KIF1B: variants seen among roughly 807,000 people sequenced by gnomAD.
KIF1B encodes kinesin family member 1B.
In KIF1B, 76 loss-of-function variants were observed where a neutral mutation model predicts 241.9. That is an observed-to-expected ratio of 0.31 (90% confidence interval 0.26 to 0.38). The LOEUF is 0.38. Ranked by LOEUF, KIF1B falls within the 10% of genes least tolerant of loss-of-function variation. KIF1B has a pLI of 1.00. For missense variants in KIF1B, 1,622 were observed against 2,271.4 expected (o/e 0.71, Z 5.81); for synonymous variants, 750 against 796.7 (o/e 0.94, Z 0.99).
rs905421622 is a variant in KIF1B, at chr1:10,264,599, CAGAA to C, written c.429+2634_429+2637del. Among the ~76,000 whole-genome samples, 15 of 152,266 alleles carry C rather than the reference CAGAA, an allele frequency of 9.9e-5. No homozygotes were observed. In the South Asian group the frequency reaches 1.0e-3, roughly 11 times the overall value. ...CTCACTTTCTAGGATGACTTGCTGT[CAGAA>C]AGAATATTTGTTGTTCTGTTACTTT... On this transcript the variant is annotated intron_variant, in intron 5 of 48. Transcript: ENST00000676179.
rs574833964 is a variant in KIF1B, at chr1:10,378,216, G to A, written c.*1629G>A. 73 of 679,838 alleles carry A rather than the reference G, an allele frequency of 1.1e-4. No homozygotes were observed. Among genetic ancestry groups the A allele is most frequent in the South Asian group, 6.8e-4 (42 of 62,096 alleles). The allele number at this position is 679,838 out of a possible 1,614,324, so 42.1% of individuals were successfully genotyped here. On this transcript the variant is annotated 3_prime_UTR_variant, in exon 49 of 49. Coordinates refer to ENST00000676179, the MANE Select transcript of KIF1B (RefSeq NM_001365951.3). ...AATATGCCTAGGGGCACGGATGAAC[G>A]TCCAGGGAGCCCGGGCCCCAGGCTT...
Position 10,303,301 on chromosome 1 carries a change from G to A in KIF1B, c.2115+6055G>A. On this transcript the variant is annotated intron_variant, in intron 22 of 48. Coordinates refer to ENST00000676179, the MANE Select transcript of KIF1B (RefSeq NM_001365951.3). The surrounding 1 kb of genome is among the most constrained non-coding windows in gnomAD (Gnocchi z 5.2). ...TAAAAAATGTGGCCTCCCAAGCAGT[G>A]GGAAGAAACGTGAACCAATTAAAAT... 1 of 1,614,140 alleles carries A rather than the reference G, an allele frequency of 6.2e-7. No individual in the cohort carries two copies. The highest frequency in any genetic ancestry group is 8.5e-7 in the Non-Finnish European group (1 of 1,180,020).
rs191025570 is a variant in KIF1B, at chr1:10,320,783, A to G, written c.2209+647A>G. 2.4e-4 allele frequency among the ~76,000 whole-genome samples: 35 copies of G among 148,350 alleles called. 1 individual carries two copies. In the East Asian group the frequency reaches 5.3e-3, roughly 22 times the overall value. On this transcript the variant is annotated intron_variant, in intron 23 of 48. Transcript: ENST00000676179. ...CTCTTGTCGCCCACGCTGGAGTGCA[A>G]TGGTGCAGTCTTAGCTCACTGCAAC...
intron 15 of KIF1B, among the ~76,000 whole-genome samples, chr1:10,287,507 A>T (rs1266739041): frequency 6.6e-6 from 1 of 152,152 alleles, no homozygotes; most frequent in African/African-American, 2.4e-5. Context: ...AGTTGTGCTA[A>T]TGTGACTCAC....
intron 18 of KIF1B, among the ~76,000 whole-genome samples, chr1:10,295,403 C>A (rs1650211957): frequency 1.3e-5 from 2 of 151,840 alleles, no homozygotes; most frequent in Admixed American, 1.3e-4. Flanking sequence ...ATATACATTC[C>A]TTAGGGATTT....
chr1:10,380,362 T>C lies in KIF1B; in HGVS notation c.*3775T>C, dbSNP rs1421643294. ...ATCAGGGCTTGTTTGACTTAGGTCT[T>C]TCAGTTTTCCTTTCGGTTCCCTTTT... is the stretch of plus-strand genomic sequence containing the variant. On this transcript the variant is annotated 3_prime_UTR_variant, in exon 49 of 49. Coordinates refer to ENST00000676179, the MANE Select transcript of KIF1B (RefSeq NM_001365951.3). The C allele has an allele frequency of 4.9e-6, 1 of 202,734 alleles. No individual in the cohort carries two copies. The highest frequency in any genetic ancestry group is 1.0e-5 in the Non-Finnish European group (1 of 98,486). The allele number at this position is 202,734 out of a possible 1,614,324, so 12.6% of individuals were successfully genotyped here.
chr1:10,355,291 A>G lies in KIF1B; in HGVS notation c.4055+2555A>G, dbSNP rs117611748. 2.2e-4 allele frequency: 34 copies of G among 152,478 alleles called. No homozygotes were observed. The East Asian group carries it at 6.4e-3, about 29-fold the overall frequency. The allele number at this position is 152,478 out of a possible 1,614,324, so 9.4% of individuals were successfully genotyped here. The stretch of plus-strand genomic sequence containing the variant: ...TCAGCAAATTTTGTCTTCTTTATAT[A>G]TATATTTTTTCTGATTCTCTCCCTT... On this transcript the variant is annotated intron_variant, in intron 38 of 48. Transcript: ENST00000676179.
intron 2 of KIF1B, among the ~76,000 whole-genome samples, chr1:10,243,215 G>A (rs1335033931): frequency 2.0e-5 from 3 of 152,056 alleles, no homozygotes; most frequent in Non-Finnish European, 4.4e-5. Flanking sequence ...TCAGGAGTTC[G>A]AGACCAGACT....
intron 27 of KIF1B, among the ~76,000 whole-genome samples, chr1:10,328,455 T>C (rs1488122989): frequency 6.6e-6 from 1 of 152,258 alleles, no homozygotes. Context: ...TATTGTTTTC[T>C]ACTGGCATAT....
intron 1 of KIF1B, among the ~76,000 whole-genome samples, chr1:10,217,243 G>A (rs982382632): frequency 6.6e-6 from 1 of 151,148 alleles, no homozygotes; most frequent in African/African-American, 2.4e-5. Context: ...CAAAATGTTG[G>A]GATTACGGGC....
At chr1:10,262,681 A>AT (rs1317696459) in intron 5 of KIF1B, among the ~76,000 whole-genome samples, 1 of 152,144 alleles carries the variant, frequency 6.6e-6, no homozygotes, top group East Asian at 1.9e-4. Context: ...TCTTACTTAA[A>AT]TTTTGAATTT....
chr1:10,254,498 C>A (rs1647644611), intron 2 of KIF1B, among the ~76,000 whole-genome samples: 1 of 152,112 alleles, frequency 6.6e-6, no homozygotes, highest in East Asian at 1.9e-4. Flanking sequence ...TACTTGTCAA[C>A]CTTAGATTTC....
chr1:10,324,844 C>G lies in KIF1B; in HGVS notation c.2624C>G (p.Thr875Ser). ...CAAGACGAAAGCGAAACCACTGTGA[C>G]TGGCAGCGATCCCTTCTATGATCGG... ...SAQDESETTV[T>S]GSDPFYDRFH... Residue 875 changes from threonine (T) to serine (S), a missense_variant, in exon 26 of 49, where the codon ACT (threonine) becomes AGT (serine). Physicochemically the swap from Thr to Ser is moderately conservative, Grantham distance 58. Around this residue, in one of 7 missense-constraint regions of KIF1B, gnomAD observed 803 missense variants for 1,112.0 expected, o/e 0.72. Coordinates refer to ENST00000676179, the MANE Select transcript of KIF1B (RefSeq NM_001365951.3). The G allele has an allele frequency of 6.2e-7, 1 of 1,614,148 alleles. No homozygotes were observed. Among genetic ancestry groups the G allele is most frequent in the South Asian group, 1.1e-5 (1 of 91,078 alleles).
In KIF1B at chr1:10,348,724, CTGG is replaced by C; in HGVS notation, c.3945_3947del (p.Val1316del). On this transcript the variant is annotated inframe_deletion, in exon 37 of 49. Coordinates refer to ENST00000676179, the MANE Select transcript of KIF1B (RefSeq NM_001365951.3). ...GCTCCATTGGAAAGATGTTCGTGAA[CTGG>C]TGGTAGGTGAGTACGTTTCATCAGC... 1 of 1,613,448 alleles carries C rather than the reference CTGG, an allele frequency of 6.2e-7. No homozygotes were observed. Among genetic ancestry groups the C allele is most frequent in the Non-Finnish European group, 8.5e-7 (1 of 1,179,470 alleles).
rs757356085 is a variant in KIF1B, at chr1:10,303,291, C to T, written c.2115+6045C>T. 2.5e-6 allele frequency: 4 copies of T among 1,614,120 alleles called. No homozygotes were observed. In the South Asian group the frequency reaches 4.4e-5, roughly 18 times the overall value. ...AAACCATTGTTAAAAAATGTGGCCT[C>T]CCAAGCAGTGGGAAGAAACGTGAAC... On this transcript the variant is annotated intron_variant, in intron 22 of 48. Transcript: ENST00000676179. The surrounding 1 kb of genome is among the most constrained non-coding windows in gnomAD (Gnocchi z 5.2).
chr1:10,346,053 C>A, intron 35 of KIF1B, 100 bp downstream of exon 35: 1 of 795,032 alleles, frequency 1.3e-6, no homozygotes, highest in Non-Finnish European at 2.2e-6. Context: ...ATCATTGTCA[C>A]TGTCAAATTC....
At chr1:10,343,531 G>A (rs924931536) in intron 34 of KIF1B, among the ~76,000 whole-genome samples, 12 of 152,186 alleles carry the variant, frequency 7.9e-5, no homozygotes, top group Non-Finnish European at 1.8e-4. Context: ...GCCGAGGCAG[G>A]TGGATCACCT....
intron 2 of KIF1B, 39 bp from the exon 3 acceptor site, chr1:10,256,208 A>G: frequency 7.9e-7 from 1 of 1,264,198 alleles, no homozygotes; most frequent in Non-Finnish European, 1.2e-6. Context: ...AGAACTTGTA[A>G]TTGAGTGACT....
intron 2 of KIF1B, among the ~76,000 whole-genome samples, chr1:10,237,641 T>A (rs1199207561): frequency 6.6e-6 from 1 of 152,176 alleles, no homozygotes; most frequent in Non-Finnish European, 1.5e-5. Flanking sequence ...GGCTTTTTCA[T>A]TCACGCATAC....
Sources: gnomAD v4.1 joint callset for allele counts (sites outside exome capture counted in the v4.1 genomes callset) on GRCh38, gnomAD v4.1.1 for gene constraint, gnomAD v4.1.1 regional missense constraint, Gnocchi (gnomAD v3.1) non-coding constraint, MANE v1.5 for transcripts, NCBI Gene and HGNC (gene_info 2026-07-23, HGNC 2026-07-21) for gene names.